The following ARID1B variants were observed in gnomAD, a reference collection of about 807,000 sequenced individuals.
ARID1B encodes the protein AT-rich interaction domain 1B.
A neutral mutation model predicts 212.3 loss-of-function variants in ARID1B; 30 were observed. The observed-to-expected ratio is 0.14, with a 90% CI of 0.11 to 0.19. The LOEUF (loss-of-function observed/expected upper bound fraction) is 0.19. Among genes scored for constraint, ARID1B ranks in the 10% least tolerant of loss-of-function variants. ARID1B has a pLI of 1.00. For missense variants in ARID1B, 2,891 were observed against 3,204.0 expected, an observed-to-expected ratio of 0.90 and a Z score of 2.36; for synonymous variants, 1,402 against 1,301.7, an observed-to-expected ratio of 1.08 and a Z score of -1.66.
In ARID1B at chr6:156,945,233, C is replaced by CTTTT. The variant is rs1164805779; in HGVS notation, c.2247+9689_2247+9692dup. 7.8e-3 allele frequency among the ~76,000 whole-genome samples: 256 copies of CTTTT among 32,644 alleles called. 24 individuals carry two copies. The highest frequency in any genetic ancestry group is 0.011 in the Non-Finnish European group (183 of 17,234). 21.4% of individuals were successfully genotyped at this position (32,644 alleles called of 152,430 possible). On this transcript the variant is annotated intron_variant, in intron 4 of 19. Transcript: ENST00000636930. Reference sequence around the variant, plus strand: ...GACCGGTGTGAGCCCCCGCATCCGGCTTTTTTTTTTTTTTTTTTTTTTTTT... The same window carrying CTTTT: ...GACCGGTGTGAGCCCCCGCATCCGGCTTTTTTTTTTTTTTTTTTTTTTTTTTTTT...
chr6:156,945,233 CTTTTTTTTTTTTTTTTTTT>C (rs1164805779), intron 4 of ARID1B, among the ~76,000 whole-genome samples: 24 of 32,666 alleles, frequency 7.3e-4, no homozygotes, highest in Admixed American at 5.3e-3. Context: ...CCGCATCCGG[CTTTTTTTTTTTTTTTTTTT>C]TTTTTTTTTT....
intron 8 of ARID1B, among the ~76,000 whole-genome samples, chr6:157,165,856 A>C (rs928145659): frequency 1.3e-5 from 2 of 152,144 alleles, no homozygotes; most frequent in Admixed American, 1.3e-4. Context: ...TCTCAAAAAA[A>C]CATAAAAATA....
intron 8 of ARID1B, chr6:157,149,904 C>T (rs904361715): frequency 1.7e-4 from 26 of 152,152 alleles, no homozygotes; most frequent in African/African-American, 2.4e-5. Context: ...GGGACCCCTC[C>T]AGTCTTATTG....
intron 12 of ARID1B, among the ~76,000 whole-genome samples, chr6:157,181,873 T>C (rs1397411331): frequency 6.6e-6 from 1 of 152,178 alleles, no homozygotes; most frequent in East Asian, 1.9e-4. Context: ...AGGGAAAAGG[T>C]ACTCACTGTG....
At chr6:156,998,235 CG>C (rs1778711808) in intron 4 of ARID1B, among the ~76,000 whole-genome samples, 2 of 141,864 alleles carry the variant, frequency 1.4e-5, no homozygotes, top group Admixed American at 1.4e-4. Context: ...TTTTGGTGGG[CG>C]GGGGTCAGAG....
At chr6:156,928,689 CA>C (rs1791449714) in intron 3 of ARID1B, among the ~76,000 whole-genome samples, 1 of 152,202 alleles carries the variant, frequency 6.6e-6, no homozygotes, top group Non-Finnish European at 1.5e-5. Flanking sequence ...CCTTAAAGAA[CA>C]TAATCTGGCA....
At chr6:157,097,771 C>T (rs1274527156) in intron 5 of ARID1B, among the ~76,000 whole-genome samples, 1 of 152,158 alleles carries the variant, frequency 6.6e-6, no homozygotes, top group African/African-American at 2.4e-5. Flanking sequence ...CTCCTGGGGG[C>T]CCAGGTGGAC....
intron 4 of ARID1B, among the ~76,000 whole-genome samples, chr6:157,013,151 T>C (rs1373173894): frequency 6.6e-6 from 1 of 152,244 alleles, no homozygotes; most frequent in East Asian, 1.9e-4. Context: ...AGTGCTGGGA[T>C]TACAGGCGTG....
Position 156,861,922 on chromosome 6 carries a change from C to T in ARID1B, c.1986+32501C>T, listed in dbSNP as rs957219589. 2.6e-5 allele frequency among the ~76,000 whole-genome samples: 4 copies of T among 152,090 alleles called. No individual in the cohort carries two copies. The East Asian group carries it at 7.7e-4, about 29-fold the overall frequency. Reference sequence around the variant, plus strand: ...GGGGCCAAAAGGGAGGTAGGACTGACCCAAAGGGCATTTGTGAGTTTGAAG... The same window carrying T: ...GGGGCCAAAAGGGAGGTAGGACTGATCCAAAGGGCATTTGTGAGTTTGAAG... On this transcript the variant is annotated intron_variant, in intron 2 of 19. Transcript: ENST00000636930.
intron 5 of ARID1B, among the ~76,000 whole-genome samples, chr6:157,109,029 T>G (rs1448384598): frequency 2.0e-5 from 3 of 152,226 alleles, no homozygotes; most frequent in Non-Finnish European, 4.4e-5. Context: ...AACAGCTATT[T>G]ATACGTGTTA....
Position 156,778,871 on chromosome 6 carries a change from C to CGGAGGAGGAGGAGGCAGCGGA in ARID1B, c.1206_1226dup (p.Ser403_Gly409dup), listed in dbSNP as rs1778917911. On this transcript the variant is annotated inframe_insertion, in exon 1 of 20. Transcript: ENST00000636930. ...CGGGCGGCGGCGGCGGCGGCGGCGG[C>CGGAGGAGGAGGAGGCAGCGGA]GGAGGAGGAGGAGGCAGCGGAGGAG... 4 of 1,340,112 alleles carry CGGAGGAGGAGGAGGCAGCGGA rather than the reference C, an allele frequency of 3.0e-6. No individual in the cohort carries two copies. Among genetic ancestry groups the CGGAGGAGGAGGAGGCAGCGGA allele is most frequent in the Non-Finnish European group, 2.9e-6 (3 of 1,036,586 alleles). 83.0% of individuals were successfully genotyped at this position (1,340,112 alleles called of 1,614,324 possible). A position where few individuals can be genotyped will look rare whatever the true frequency, so the allele number is the denominator to read the frequency against.
chr6:156,891,332 G>C (rs1243257148), intron 2 of ARID1B, among the ~76,000 whole-genome samples: 3 of 152,162 alleles, frequency 2.0e-5, no homozygotes, highest in African/African-American at 7.2e-5. Flanking sequence ...AATTTACCTG[G>C]AGGGGTTCAA....
intron 4 of ARID1B, chr6:156,943,509 G>A (rs969531730): frequency 1.3e-5 from 2 of 150,122 alleles, no homozygotes; most frequent in African/African-American, 4.9e-5. Context: ...ATGTTGGTAC[G>A]ATTGTCTCTT....
At chr6:157,021,114 G>C (rs1277797187) in intron 4 of ARID1B, among the ~76,000 whole-genome samples, 1 of 151,836 alleles carries the variant, frequency 6.6e-6, no homozygotes, top group Non-Finnish European at 1.5e-5. Context: ...GGGCCCGCTT[G>C]AGAGAGGGGG....
chr6:156,826,579 C>T (rs953442978), intron 1 of ARID1B, among the ~76,000 whole-genome samples: 40 of 152,100 alleles, frequency 2.6e-4, no homozygotes, highest in African/African-American at 8.9e-4. Context: ...GGGAAGGACC[C>T]GTGCAGCCTT....
At chr6:157,046,693 C>A (rs1197026967) in intron 4 of ARID1B, among the ~76,000 whole-genome samples, 8 of 152,042 alleles carry the variant, frequency 5.3e-5, no homozygotes, top group Non-Finnish European at 1.2e-4. Context: ...TTGTTGTCCA[C>A]AAACAAATCC....
intron 2 of ARID1B, among the ~76,000 whole-genome samples, chr6:156,887,898 G>T (rs762597367): frequency 3.3e-5 from 5 of 152,192 alleles, no homozygotes; most frequent in Non-Finnish European, 5.9e-5. Flanking sequence ...CGCTCCTCCT[G>T]TTCCCCTACA....
At position 156,778,710 on chromosome 6, in the gene ARID1B, C is replaced by G; in HGVS notation, c.1030C>G (p.Pro344Ala). 1 of 1,523,014 alleles carries G rather than the reference C, an allele frequency of 6.6e-7. No individual in the cohort carries two copies. Among genetic ancestry groups the G allele is most frequent in the Non-Finnish European group, 8.8e-7 (1 of 1,133,940 alleles). The allele number at this position is 1,523,014 out of a possible 1,614,324, so 94.3% of individuals were successfully genotyped here. ...TGATCAACATGGCGGACAACAAAGC[C>G]CCGGGATGGGGATGATGCACTCCGC... is the stretch of plus-strand genomic sequence containing the variant. ...CFDQHGGQQS[P>A]GMGMMHSASA... The change falls in exon 1 of 20, where the codon CCC becomes GCC. Residue 344 changes from proline to alanine, a missense_variant. By Grantham distance (27) the Pro-to-Ala change is conservative. Around this residue, in one of 7 missense-constraint regions of ARID1B, gnomAD observed 1,643 missense variants for 1,544.0 expected, o/e 1.06. Transcript: ENST00000636930.
intron 2 of ARID1B, among the ~76,000 whole-genome samples, chr6:156,858,927 T>A (rs1301927130): frequency 2.6e-5 from 4 of 152,304 alleles, no homozygotes; most frequent in African/African-American, 9.6e-5. Context: ...GAAGTTGCAC[T>A]GAGCGAGTCA....
Sources: gnomAD v4.1 joint callset for allele counts (sites outside exome capture counted in the v4.1 genomes callset) on GRCh38, gnomAD v4.1.1 for gene constraint, gnomAD v4.1.1 regional missense constraint, MANE v1.5 for transcripts, NCBI Gene and HGNC (gene_info 2026-07-23, HGNC 2026-07-21) for gene names.